PCDHGA2: variants seen among roughly 807,000 people sequenced by gnomAD.
The protein encoded by PCDHGA2 is protocadherin gamma-A2.
Under a neutral mutation model 59.2 loss-of-function variants are expected in PCDHGA2, and 40 were observed. The ratio of observed to expected loss-of-function variants is 0.68; its 90% CI spans 0.52 to 0.88. PCDHGA2 has a LOEUF of 0.88. Ranked by LOEUF, PCDHGA2 falls within the 40% of genes least tolerant of loss-of-function variation. PCDHGA2 has a pLI of 0.00. For missense variants in PCDHGA2, 1,226 were observed against 1,204.0 expected (o/e 1.02, Z -0.27); for synonymous variants, 560 against 526.0 (o/e 1.06, Z -0.89).
At chr5:141,386,071 T>C (rs1306390506) in intron 1 of PCDHGA2, 4 of 152,214 alleles carry the variant, frequency 2.6e-5, no homozygotes, top group Non-Finnish European at 5.9e-5. Context: ...CAGTATGTTG[T>C]TTTAGTGGTA....
chr5:141,437,617 C>G (rs570138576), intron 1 of PCDHGA2, among the ~76,000 whole-genome samples: 1 of 152,220 alleles, frequency 6.6e-6, no homozygotes, highest in South Asian at 2.1e-4. Context: ...CTGCTTTATC[C>G]CCATATAAGA....
intron 1 of PCDHGA2, among the ~76,000 whole-genome samples, chr5:141,449,520 C>T (rs1384869748): frequency 1.4e-5 from 2 of 144,104 alleles, no homozygotes; most frequent in Non-Finnish European, 1.5e-5. Context: ...ACCTGGGAGG[C>T]GGAGGTTGCA....
In PCDHGA2 at chr5:141,345,102, C is replaced by G; in HGVS notation, c.2424+3707C>G. The G allele has an allele frequency of 2.5e-6, 4 of 1,613,826 alleles. No homozygotes were observed. In the African/African-American group the frequency reaches 5.3e-5, roughly 22 times the overall value. On this transcript the variant is annotated intron_variant, in intron 1 of 3. Transcript: ENST00000394576. Reference sequence around the variant, plus strand: ...AATCACGTCTCTCACAAGCTCAGTCCCAGAAGAGGGCACCGTTGGAAGAGA... The same window carrying G: ...AATCACGTCTCTCACAAGCTCAGTCGCAGAAGAGGGCACCGTTGGAAGAGA...
Position 141,476,993 on chromosome 5 carries a change from C to A in PCDHGA2, c.2425-17814C>A. 6.2e-7 allele frequency: 1 copy of A among 1,614,244 alleles called. No individual in the cohort carries two copies. Among genetic ancestry groups the A allele is most frequent in the South Asian group, 1.1e-5 (1 of 91,086 alleles). Reference sequence around the variant, plus strand: ...CAGCCACAACCGCGCCGGCGTGCGGCAACTATTCGCCTTAGACCTTGTAAC... The same window carrying A: ...CAGCCACAACCGCGCCGGCGTGCGGAAACTATTCGCCTTAGACCTTGTAAC... On this transcript the variant is annotated intron_variant, in intron 1 of 3. Coordinates refer to ENST00000394576, the MANE Select transcript of PCDHGA2 (RefSeq NM_018915.4). This position sits in a 1 kb window ranked among gnomAD's most constrained non-coding sequence, Gnocchi z 7.6.
At chr5:141,470,872 T>TTTTTTG (rs900302332) in intron 1 of PCDHGA2, among the ~76,000 whole-genome samples, 2 of 151,814 alleles carry the variant, frequency 1.3e-5, no homozygotes, top group Admixed American at 1.3e-4. Context: ...GTTTGTTTGT[T>TTTTTTG]TTTTTGTTTT....
Position 141,431,003 on chromosome 5 carries a change from G to C in PCDHGA2, c.2425-63804G>C. The C allele has an allele frequency of 6.2e-7, 1 of 1,614,078 alleles. No individual in the cohort carries two copies. The highest frequency in any genetic ancestry group is 8.5e-7 in the Non-Finnish European group (1 of 1,179,974). On this transcript the variant is annotated intron_variant, in intron 1 of 3. Transcript: ENST00000394576. The surrounding 1 kb of genome is among the most constrained non-coding windows in gnomAD (Gnocchi z 4.8). ...GCTTTTCGCCCTGAATCCGCGCAGC[G>C]GCAGCTTGGTCACGGCGGGCAGGAT... is the stretch of plus-strand genomic sequence containing the variant.
At chr5:141,360,837 T>C in intron 1 of PCDHGA2, 1 of 1,613,970 alleles carries the variant, frequency 6.2e-7, no homozygotes, top group African/African-American at 1.3e-5. Context: ...AAGTCACGGA[T>C]GCCAACGATA....
intron 1 of PCDHGA2, chr5:141,350,782 CTT>C: frequency 6.2e-7 from 1 of 1,613,954 alleles, no homozygotes; most frequent in Non-Finnish European, 8.5e-7. Context: ...CCAATCAATA[CTT>C]CTCTCTGTCA....
At chr5:141,351,273 A>G (rs550144206) in intron 1 of PCDHGA2, 1 of 1,613,940 alleles carries the variant, frequency 6.2e-7, no homozygotes, top group Non-Finnish European at 8.5e-7. Flanking sequence ...GACGAGAATG[A>G]CAATGCCCCA....
At chr5:141,421,147 G>A in intron 1 of PCDHGA2, 1 of 1,019,036 alleles carries the variant, frequency 9.8e-7, no homozygotes, top group South Asian at 1.7e-5. Context: ...GGATGTAGTC[G>A]GCCTAGGACT....
At chr5:141,469,807 T>C (rs1294838215) in intron 1 of PCDHGA2, among the ~76,000 whole-genome samples, 1 of 152,070 alleles carries the variant, frequency 6.6e-6, no homozygotes, top group African/African-American at 2.4e-5. Context: ...AAAAACATTG[T>C]AGATAGAATG....
chr5:141,361,268 A>G, intron 1 of PCDHGA2: 5 of 1,613,982 alleles, frequency 3.1e-6, no homozygotes, highest in Non-Finnish European at 4.2e-6. Flanking sequence ...GACTCTGGAG[A>G]AAATGGAGAA....
In PCDHGA2 at chr5:141,432,751, G is replaced by A; in HGVS notation, c.2425-62056G>A. The A allele has an allele frequency of 6.2e-7, 1 of 1,614,130 alleles. No homozygotes were observed. Among genetic ancestry groups the A allele is most frequent in the Non-Finnish European group, 8.5e-7 (1 of 1,179,982 alleles). Reference sequence around the variant, plus strand: ...CCACTGTCACGCTCACCGTGGCCGTGGCCGACAGCATCCCCCAAGTCCTGG... The same window carrying A: ...CCACTGTCACGCTCACCGTGGCCGTAGCCGACAGCATCCCCCAAGTCCTGG... On this transcript the variant is annotated intron_variant, in intron 1 of 3. Transcript: ENST00000394576. This position sits in a 1 kb window ranked among gnomAD's most constrained non-coding sequence, Gnocchi z 6.0.
At chr5:141,433,020 C>G (rs761127608) in intron 1 of PCDHGA2, 5 of 1,614,152 alleles carry the variant, frequency 3.1e-6, no homozygotes, top group East Asian at 2.2e-5. Flanking sequence ...CAGACCTATT[C>G]CCACGAGGTT....
In PCDHGA2 at chr5:141,345,893, T is replaced by C. The variant is rs1052013782; in HGVS notation, c.2424+4498T>C. 4.3e-6 allele frequency: 7 copies of C among 1,611,956 alleles called. No homozygotes were observed. In the African/African-American group the frequency reaches 9.4e-5, roughly 22 times the overall value. ...GCGAGCCGGGACTCTTCTCGGTGGGTCTGCACACGGGCGAGGTGCGCACGG... is the reference window on the plus strand; with the variant it reads ...GCGAGCCGGGACTCTTCTCGGTGGGCCTGCACACGGGCGAGGTGCGCACGG... On this transcript the variant is annotated intron_variant, in intron 1 of 3. Transcript: ENST00000394576.
rs753050855 is a variant in PCDHGA2 at position 141,375,684 on chromosome 5, C to T, written c.2424+34289C>T. 4 of 1,614,272 alleles carry T rather than the reference C, an allele frequency of 2.5e-6. No individual in the cohort carries two copies. In the South Asian group the frequency reaches 4.4e-5, roughly 18 times the overall value. On this transcript the variant is annotated intron_variant, in intron 1 of 3. Coordinates refer to ENST00000394576, the MANE Select transcript of PCDHGA2 (RefSeq NM_018915.4). The stretch of plus-strand genomic sequence containing the variant: ...AGAGACCTACAGCTGTGGGTGACAG[C>T]CAGCGACAGCGGGGACCCGCCTCTT...
chr5:141,415,590 A>G lies in PCDHGA2; in HGVS notation c.2424+74195A>G, dbSNP rs201666137. On this transcript the variant is annotated intron_variant, in intron 1 of 3. Transcript: ENST00000394576. ...TGTTAGATGATTCGAAGTTTCCTAT[A>G]GAGGATACCCCATTGGTTCCAGTGA... 60 of 1,613,946 alleles carry G rather than the reference A, an allele frequency of 3.7e-5. 1 individual carries two copies. The African/African-American group carries it at 7.2e-4, about 19-fold the overall frequency.
intron 2 of PCDHGA2, among the ~76,000 whole-genome samples, chr5:141,497,905 C>T (rs1052659134): frequency 6.6e-6 from 1 of 152,178 alleles, no homozygotes; most frequent in Non-Finnish European, 1.5e-5. Context: ...GTAACTTCAA[C>T]TTCTCTCCTT....
In PCDHGA2 at chr5:141,491,491, G is replaced by C. The variant is rs2099717103; in HGVS notation, c.2425-3316G>C. The C allele has an allele frequency of 1.2e-6, 2 of 1,614,042 alleles. No homozygotes were observed. The highest frequency in any genetic ancestry group is 1.7e-5 in the Admixed American group (1 of 60,016). The stretch of plus-strand genomic sequence containing the variant: ...TAAGCAGTCCAGCCCCAACCTGCAG[G>C]TGAGCTCGGACGGCACGCTCAAGTA... On this transcript the variant is annotated intron_variant, in intron 1 of 3. Transcript: ENST00000394576. The surrounding 1 kb of genome is among the most constrained non-coding windows in gnomAD (Gnocchi z 6.9).
Sources: gnomAD v4.1 joint callset for allele counts (sites outside exome capture counted in the v4.1 genomes callset) on GRCh38, gnomAD v4.1.1 for gene constraint, Gnocchi (gnomAD v3.1) non-coding constraint, MANE v1.5 for transcripts, NCBI Gene and HGNC (gene_info 2026-07-23, HGNC 2026-07-21) for gene names.